ZFHX3: variants seen among roughly 807,000 people sequenced by gnomAD.
ZFHX3 encodes the protein zinc finger homeobox 3, also known as zinc finger homeobox protein 3.
Under a neutral mutation model 279.1 loss-of-function variants are expected in ZFHX3, and 42 were observed. The ratio of observed to expected loss-of-function variants is 0.15; its 90% CI spans 0.12 to 0.19. ZFHX3 has a LOEUF of 0.19. Ranked by LOEUF, ZFHX3 falls within the 10% of genes least tolerant of loss-of-function variation. The pLI, the probability that ZFHX3 is intolerant of heterozygous loss-of-function variation, is 1.00. For missense variants in ZFHX3, 4,981 were observed against 4,754.0 expected, an observed-to-expected ratio of 1.05 and a Z score of -1.40; for synonymous variants, 2,293 against 1,957.8, an observed-to-expected ratio of 1.17 and a Z score of -4.52.
At chr16:73,540,375 C>T (rs746667244) in intron 2 of ZFHX3, among the ~76,000 whole-genome samples, 6 of 152,232 alleles carry the variant, frequency 3.9e-5, no homozygotes, top group Non-Finnish European at 7.3e-5. Context: ...TATATTTTCT[C>T]TCACAGTAAG....
At chr16:73,232,518 G>C (rs1357720315) in intron 5 of ZFHX3, 1 of 152,208 alleles carries the variant, frequency 6.6e-6, no homozygotes, top group East Asian at 1.9e-4. Context: ...AGAGAAAGAG[G>C]GAGCAATAGC....
chr16:73,350,333 T>G (rs917444543), intron 3 of ZFHX3, among the ~76,000 whole-genome samples: 2 of 152,146 alleles, frequency 1.3e-5, no homozygotes, highest in Non-Finnish European at 2.9e-5. Flanking sequence ...TGACAGGGTT[T>G]GGGATGTGAA....
chr16:72,941,869 G>C (rs915145388), intron 3 of ZFHX3, among the ~76,000 whole-genome samples: 4 of 152,132 alleles, frequency 2.6e-5, no homozygotes, highest in Non-Finnish European at 4.4e-5. Flanking sequence ...CCCGGCTGCT[G>C]TAAGTGCTAA....
At chr16:73,612,740 C>T (rs192577038) in intron 2 of ZFHX3, among the ~76,000 whole-genome samples, 38 of 152,184 alleles carry the variant, frequency 2.5e-4, no homozygotes, top group African/African-American at 8.2e-4. Flanking sequence ...GATTTTCAAA[C>T]TACAAGAAAA....
chr16:73,487,696 C>A (rs1446879879), intron 2 of ZFHX3: 2 of 182,786 alleles, frequency 1.1e-5, no homozygotes, highest in Non-Finnish European at 2.3e-5. Flanking sequence ...TGAGCCACTG[C>A]GCTCAGCTCA....
Position 72,795,367 on chromosome 16 carries a change from G to T in ZFHX3, c.7315C>A (p.Gln2439Lys), listed in dbSNP as rs1221775531. Residue 2439 changes from glutamine (Q) to lysine (K), a missense_variant, in exon 9 of 10, where the codon CAG (glutamine) becomes AAG (lysine). Physicochemically the swap from Gln to Lys is moderately conservative, Grantham distance 53 (BLOSUM62 1). Coordinates refer to ENST00000268489, the MANE Select transcript of ZFHX3 (RefSeq NM_006885.4). ...TGCTTTTCTTGGGTTTGGTTTGGCT[G>T]TGCACTGGGAGCTTCCGCCAGCTTT... ...KPKLAEAPSA[Q>K]PNQTQEKQGQ... The T allele has an allele frequency of 1.2e-6, 2 of 1,614,146 alleles. No individual in the cohort carries two copies. Among genetic ancestry groups the T allele is most frequent in the South Asian group, 2.2e-5 (2 of 91,082 alleles).
chr16:73,317,908 C>T (rs1249561370), intron 4 of ZFHX3, among the ~76,000 whole-genome samples: 1 of 152,166 alleles, frequency 6.6e-6, no homozygotes, highest in Non-Finnish European at 1.5e-5. Context: ...TTTCCCAGAG[C>T]ATTTCTTGCC....
chr16:73,371,237 G>T (rs967561624), intron 3 of ZFHX3, among the ~76,000 whole-genome samples: 1 of 151,624 alleles, frequency 6.6e-6, no homozygotes, highest in Non-Finnish European at 1.5e-5. Flanking sequence ...AGCCCAGGAG[G>T]CGGAGGTTGC....
At chr16:73,839,761 AG>A (rs1961250947) in intron 1 of ZFHX3, among the ~76,000 whole-genome samples, 2 of 152,220 alleles carry the variant, frequency 1.3e-5, no homozygotes, top group Non-Finnish European at 2.9e-5. Flanking sequence ...TCAGCGGGCT[AG>A]TCCTAAGGGG....
chr16:73,719,106 G>C (rs1241104108), intron 1 of ZFHX3, among the ~76,000 whole-genome samples: 1 of 152,180 alleles, frequency 6.6e-6, no homozygotes, highest in African/African-American at 2.4e-5. Context: ...TGTGTATCAA[G>C]AACGATAAAT....
intron 7 of ZFHX3, among the ~76,000 whole-genome samples, chr16:72,801,778 ATTTTCT>A (rs565444470): frequency 3.1e-4 from 47 of 152,040 alleles, no homozygotes; most frequent in African/African-American, 1.0e-3. Flanking sequence ...CATTCCATCT[ATTTTCT>A]TTTTAATAGA....
At chr16:72,825,550 C>G (rs1334513787) in intron 5 of ZFHX3, among the ~76,000 whole-genome samples, 1 of 152,156 alleles carries the variant, frequency 6.6e-6, no homozygotes, top group Non-Finnish European at 1.5e-5. Context: ...ATGGCACACA[C>G]AGAAAATGAT....
At chr16:73,590,820 A>C (rs896907460) in intron 2 of ZFHX3, among the ~76,000 whole-genome samples, 1 of 152,204 alleles carries the variant, frequency 6.6e-6, no homozygotes, top group African/African-American at 2.4e-5. Context: ...CATGATCACC[A>C]ATGGCTATAA....
At chr16:72,928,450 G>A (rs528893063) in intron 3 of ZFHX3, among the ~76,000 whole-genome samples, 6 of 152,128 alleles carry the variant, frequency 3.9e-5, no homozygotes, top group African/African-American at 1.4e-4. Flanking sequence ...CTCGGCCCAA[G>A]TCTTGGTTTC....
chr16:73,610,407 T>C (rs1461517481), intron 2 of ZFHX3, among the ~76,000 whole-genome samples: 2 of 152,196 alleles, frequency 1.3e-5, no homozygotes, highest in African/African-American at 4.8e-5. Context: ...GGAGGCATGT[T>C]TGTTCCCAAG....
At position 73,079,163 on chromosome 16, in the gene ZFHX3, T is replaced by C. The variant is rs572928970; in HGVS notation, c.-533+14072A>G. On this transcript the variant is annotated intron_variant, in intron 8 of 17. Coordinates refer to the ZFHX3 transcript ENST00000641206. ...TCCAGTCCCCTTCTCTTTCACTTAC[T>C]TGTCTCTCCCCACTGCTGTCCCCAC... Among the ~76,000 whole-genome samples, 8 of 152,258 alleles carry C rather than the reference T, an allele frequency of 5.3e-5. No homozygotes were observed. The South Asian group carries it at 1.7e-3, about 32-fold the overall frequency.
chr16:73,265,677 C>T (rs997685574), intron 4 of ZFHX3, among the ~76,000 whole-genome samples: 2 of 152,160 alleles, frequency 1.3e-5, no homozygotes, highest in African/African-American at 2.4e-5. Flanking sequence ...ATGACCTCAA[C>T]AGCCCTCCTG....
At chr16:72,837,763 AT>A (rs1411349701) in intron 4 of ZFHX3, among the ~76,000 whole-genome samples, 1 of 151,560 alleles carries the variant, frequency 6.6e-6, no homozygotes, top group Non-Finnish European at 1.5e-5. Context: ...CCATCCCCAA[AT>A]AATTAAAAAA....
intron 2 of ZFHX3, among the ~76,000 whole-genome samples, chr16:73,629,596 G>A (rs2052449391): frequency 1.3e-5 from 2 of 151,768 alleles, no homozygotes; most frequent in African/African-American, 4.8e-5. Flanking sequence ...GGCTGGGAAG[G>A]TAATGAAAGA....
Sources: gnomAD v4.1 joint callset for allele counts (sites outside exome capture counted in the v4.1 genomes callset) on GRCh38, gnomAD v4.1.1 for gene constraint, MANE v1.5 for transcripts, NCBI Gene and HGNC (gene_info 2026-07-23, HGNC 2026-07-21) for gene names.